The following GLMN variants were observed in gnomAD, a reference collection of about 807,000 sequenced individuals.
GLMN encodes glomulin.
Under a neutral mutation model 87.8 loss-of-function variants are expected in GLMN, and 75 were observed. That is an observed-to-expected ratio of 0.85 (90% confidence interval 0.71 to 1.04). GLMN has a LOEUF of 1.04. Among genes scored for constraint, GLMN ranks in the 50% least tolerant of loss-of-function variants. GLMN has a pLI of 0.00. For synonymous variants in GLMN, 206 were observed against 221.6 expected (o/e 0.93, Z 0.63); for missense variants, 588 against 658.8 (o/e 0.89, Z 1.18).
intron 16 of GLMN, among the ~76,000 whole-genome samples, chr1:92,256,643 A>G (rs1371909579): frequency 4.6e-5 from 7 of 152,238 alleles, no homozygotes; most frequent in Admixed American, 2.0e-4. Flanking sequence ...AACAGAACCA[A>G]TGACAAAAAC....
At chr1:92,284,463 A>C (rs936820700) in intron 7 of GLMN, among the ~76,000 whole-genome samples, 32 of 152,226 alleles carry the variant, frequency 2.1e-4, no homozygotes, top group Admixed American at 2.1e-3. Flanking sequence ...CTTATGCAAA[A>C]ATTAACTCAA....
chr1:92,271,840 T>C (rs1335288951), intron 7 of GLMN, among the ~76,000 whole-genome samples, 188 bp from the exon 8 acceptor site: 1 of 152,154 alleles, frequency 6.6e-6, no homozygotes, highest in Non-Finnish European at 1.5e-5. Flanking sequence ...TTAGATTATA[T>C]GACAAAAGTG....
chr1:92,320,918 T>C, the GLMN span, among the ~76,000 whole-genome samples: 1 of 152,264 alleles, frequency 6.6e-6, no homozygotes, highest in African/African-American at 2.4e-5. Context: ...TCAGATACCA[T>C]GCTTCTTTGT....
chr1:92,323,793 T>C, the GLMN span: 2 of 1,614,092 alleles, frequency 1.2e-6, no homozygotes, highest in Non-Finnish European at 1.7e-6. Context: ...GTGAACTTCC[T>C]TTACAGAAAG....
intron 7 of GLMN, among the ~76,000 whole-genome samples, chr1:92,274,892 C>G (rs1306726167): frequency 6.6e-6 from 1 of 152,142 alleles, no homozygotes; most frequent in African/African-American, 2.4e-5. Flanking sequence ...TCCCTCCTAA[C>G]CCCCCTTCTT....
the GLMN span, among the ~76,000 whole-genome samples, chr1:92,358,761 A>G: frequency 7.8e-3 from 1,182 of 152,176 alleles, 6 homozygotes; most frequent in African/African-American, 0.027. Flanking sequence ...CTTTAAAAAA[A>G]AAAATTGTAG....
chr1:92,251,417 C>G (rs1372721529), intron 16 of GLMN, among the ~76,000 whole-genome samples: 4 of 152,072 alleles, frequency 2.6e-5, no homozygotes, highest in Non-Finnish European at 5.9e-5. Context: ...AAAAAAATCT[C>G]TCAACCCATA....
the GLMN span, among the ~76,000 whole-genome samples, chr1:92,355,073 T>C: frequency 1.3e-5 from 2 of 151,938 alleles, no homozygotes; most frequent in Admixed American, 6.6e-5. Flanking sequence ...TAATTATTAT[T>C]ATTATTTTTT....
At chr1:92,282,510 C>A (rs1325388927) in intron 7 of GLMN, among the ~76,000 whole-genome samples, 1 of 152,044 alleles carries the variant, frequency 6.6e-6, no homozygotes, top group African/African-American at 2.4e-5. Context: ...TAAATGCCCA[C>A]AAAAGAAAGC....
chr1:92,272,175 A>T (rs1184973238), intron 7 of GLMN, among the ~76,000 whole-genome samples: 1 of 152,188 alleles, frequency 6.6e-6, no homozygotes, highest in East Asian at 1.9e-4. Flanking sequence ...AGGAAACCTG[A>T]AAGTGGATCT....
chr1:92,369,925 C>A, the GLMN span, among the ~76,000 whole-genome samples: 646 of 152,276 alleles, frequency 4.2e-3, 4 homozygotes, highest in African/African-American at 0.015. Context: ...TGCTCTGTCA[C>A]CCAGGCTGGA....
At chr1:92,270,455 T>C (rs1339992860) in intron 8 of GLMN, among the ~76,000 whole-genome samples, 1 of 152,204 alleles carries the variant, frequency 6.6e-6, no homozygotes, top group East Asian at 1.9e-4. Flanking sequence ...ACAGGCTTAT[T>C]ATAAGGATGA....
chr1:92,329,929 C>T, the GLMN span, among the ~76,000 whole-genome samples: 1 of 152,098 alleles, frequency 6.6e-6, no homozygotes, highest in African/African-American at 2.4e-5. Flanking sequence ...GGACTGTTTT[C>T]CAAAGCGTGA....
the GLMN span, among the ~76,000 whole-genome samples, chr1:92,326,985 T>TG: frequency 2.6e-4 from 39 of 152,344 alleles, no homozygotes; most frequent in African/African-American, 8.7e-4. Flanking sequence ...CCTGTTCATT[T>TG]GGAATTGTTA....
chr1:92,302,590 A>ATTTTTTTTTTTTTTTTT (rs36067595), upstream of GLMN, among the ~76,000 whole-genome samples: 1 of 74,316 alleles, frequency 1.3e-5, no homozygotes, highest in African/African-American at 5.7e-5. Context: ...TCCGCATTAA[A>ATTTTTTTTTTTTTTTTT]TTTTTTTTTT....
intron 16 of GLMN, among the ~76,000 whole-genome samples, chr1:92,257,151 A>G (rs1654381822): frequency 6.6e-6 from 1 of 152,212 alleles, no homozygotes; most frequent in African/African-American, 2.4e-5. Context: ...CCCATTCACA[A>G]TTGCTACAAA....
chr1:92,348,135 C>T, the GLMN span, among the ~76,000 whole-genome samples: 11 of 152,102 alleles, frequency 7.2e-5, 1 homozygote, highest in South Asian at 4.1e-4. Context: ...GTGATCCACC[C>T]GCCTCGGCCT....
chr1:92,259,382 GA>G (rs753662273), intron 16 of GLMN, among the ~76,000 whole-genome samples: 3 of 152,162 alleles, frequency 2.0e-5, no homozygotes, highest in Non-Finnish European at 4.4e-5. Context: ...TCAAGAGTAA[GA>G]GAAGGTGCCT....
At chr1:92,321,689 T>C in the GLMN span, among the ~76,000 whole-genome samples, 1 of 152,102 alleles carries the variant, frequency 6.6e-6, no homozygotes, top group East Asian at 1.9e-4. Context: ...GGAAAACTTT[T>C]GTCTTTTATT....
Sources: gnomAD v4.1 joint callset for allele counts (sites outside exome capture counted in the v4.1 genomes callset) on GRCh38, gnomAD v4.1.1 for gene constraint, MANE v1.5 for transcripts, NCBI Gene and HGNC (gene_info 2026-07-23, HGNC 2026-07-21) for gene names.